PDZD7: variants seen among roughly 807,000 people sequenced by gnomAD.
PDZD7 encodes the protein PDZ domain containing 7.
In PDZD7, 72 loss-of-function variants were observed where a neutral mutation model predicts 84.7. That is an observed-to-expected ratio of 0.85 (90% CI 0.70 to 1.03). The LOEUF is 1.03. PDZD7 is among the 50% of genes least tolerant of loss of function. The probability of loss-of-function intolerance (pLI) is 0.00; values close to 1 mark genes in which losing one functional copy is unlikely to be tolerated. For missense variants in PDZD7, 1,490 were observed against 1,412.9 expected (o/e 1.05, Z -0.87); for synonymous variants, 594 against 580.7 (o/e 1.02, Z -0.33).
chr10:101,010,637 A>C lies in PDZD7; in HGVS notation c.2252T>G (p.Leu751Arg). The change falls in exon 15 of 17, where the codon CTG becomes CGG. Residue 751 changes from leucine to arginine, a missense_variant. Leu to Arg is a moderately radical substitution (Grantham distance 102). Transcript: ENST00000619208. Reference protein sequence around the residue: ...VAPRPLRPNWLLTEPLSREHP... With the variant: ...VAPRPLRPNWRLTEPLSREHP... ...CTCTCGGCTCAGGGGTTCTGTCAGC[A>C]GCCAGTTAGGCCGCAGGGGCCGGGG... 1 of 1,500,872 alleles carries C rather than the reference A, an allele frequency of 6.7e-7. No individual in the cohort carries two copies. The highest frequency in any genetic ancestry group is 8.9e-7 in the Non-Finnish European group (1 of 1,126,684). The allele number at this position is 1,500,872 out of a possible 1,614,324, so 93.0% of individuals were successfully genotyped here.
At chr10:101,026,337 G>A (rs1471270190) in intron 2 of PDZD7, among the ~76,000 whole-genome samples, 1 of 152,032 alleles carries the variant, frequency 6.6e-6, no homozygotes, top group Non-Finnish European at 1.5e-5. Context: ...GTTTCACCAT[G>A]TTGGCCAGGC....
rs766472599 is a variant in PDZD7 at position 101,021,905 on chromosome 10, C to T, written c.760G>A (p.Val254Met). The T allele has an allele frequency of 6.2e-7, 1 of 1,614,186 alleles. No homozygotes were observed. Among genetic ancestry groups the T allele is most frequent in the South Asian group, 1.1e-5 (1 of 91,086 alleles). Reference sequence around the variant, plus strand: ...TTGGCTGCCAGGACCTGGTCCCCCACCTTGATGCCATTCTCCTCGGCCAGC... The same window carrying T: ...TTGGCTGCCAGGACCTGGTCCCCCATCTTGATGCCATTCTCCTCGGCCAGC... The part of the protein sequence containing the change: ...GGLAEENGIK[V>M]GDQVLAANGV... The change falls in exon 6 of 17, where the codon GTG (valine) becomes ATG (methionine). Residue 254 changes from valine to methionine, a missense_variant. By Grantham distance (21) the Val-to-Met change is conservative. Coordinates refer to ENST00000619208, the MANE Select transcript of PDZD7 (RefSeq NM_001195263.2).
At position 101,010,348 on chromosome 10, in the gene PDZD7, CGTCCCCTCA is replaced by C; in HGVS notation, c.2532_2540del (p.Glu845_Thr847del). 6.5e-7 allele frequency: 1 copy of C among 1,535,472 alleles called. No individual in the cohort carries two copies. The highest frequency in any genetic ancestry group is 8.7e-7 in the Non-Finnish European group (1 of 1,146,328). On this transcript the variant is annotated inframe_deletion, in exon 15 of 17. Coordinates refer to ENST00000619208, the MANE Select transcript of PDZD7 (RefSeq NM_001195263.2). ...GGTTCTTCATGGCTGCCTCCTTGGC[CGTCCCCTCA>C]GTTCCACTCTCCGAGGGCCCTTGCT...
chr10:101,027,771 G>C (rs1937806253), intron 2 of PDZD7, among the ~76,000 whole-genome samples: 1 of 152,196 alleles, frequency 6.6e-6, no homozygotes, highest in African/African-American at 2.4e-5. Context: ...CAATCATGGT[G>C]GGGACTTCGT....
chr10:101,024,982 G>A (rs1564640685), intron 2 of PDZD7, among the ~76,000 whole-genome samples: 1 of 151,942 alleles, frequency 6.6e-6, no homozygotes, highest in Non-Finnish European at 1.5e-5. Context: ...CTGTTCTATG[G>A]GGGATGGTTG....
chr10:101,023,067 C>CG (rs1564638658), intron 4 of PDZD7: 1 of 264,474 alleles, frequency 3.8e-6, no homozygotes, highest in African/African-American at 2.8e-5. Flanking sequence ...CCACCATGCC[C>CG]GGCTTTTTTT....
chr10:101,011,839 A>G, intron 13 of PDZD7, 78 bp from the exon 14 acceptor site: 2 of 1,550,116 alleles, frequency 1.3e-6, no homozygotes, highest in Non-Finnish European at 1.7e-6. Flanking sequence ...GGGGCTCGGC[A>G]ATCTCTGCAG....
At position 101,010,969 on chromosome 10, in the gene PDZD7, G is replaced by A. The variant is rs546272320; in HGVS notation, c.2006-86C>T. 188 of 1,527,938 alleles carry A rather than the reference G, an allele frequency of 1.2e-4. 1 individual carries two copies. In the African/African-American group the frequency reaches 2.2e-3, roughly 18 times the overall value. 94.6% of individuals were successfully genotyped at this position (1,527,938 alleles called of 1,614,324 possible). On this transcript the variant is annotated intron_variant, in intron 14 of 16. Coordinates refer to ENST00000619208, the MANE Select transcript of PDZD7 (RefSeq NM_001195263.2). ...TTTGGTTTGTGTGGGGCCTGTGAGA[G>A]CCAGGCCCGAGTTTGTTCAGGCACC...
At chr10:101,010,164 G>C in intron 15 of PDZD7, 108 bp downstream of exon 15, 6 of 1,343,334 alleles carry the variant, frequency 4.5e-6, no homozygotes, top group Non-Finnish European at 5.9e-6. Flanking sequence ...CAAAGTGCTG[G>C]GGTTACAGGT....
chr10:101,023,875 T>C, intron 3 of PDZD7, 53 bp downstream of exon 3: 1 of 1,592,476 alleles, frequency 6.3e-7, no homozygotes. Context: ...TGCCATTCAC[T>C]GAGATTGGAG....
intron 2 of PDZD7, among the ~76,000 whole-genome samples, chr10:101,025,856 G>T (rs900296014): frequency 2.6e-5 from 4 of 152,142 alleles, no homozygotes; most frequent in Non-Finnish European, 4.4e-5. Flanking sequence ...CAATGGAAGA[G>T]ATTTTCTAAG....
intron 10 of PDZD7, 118 bp from the exon 11 acceptor site, chr10:101,015,929 G>T: frequency 1.7e-6 from 2 of 1,150,712 alleles, no homozygotes; most frequent in Non-Finnish European, 2.4e-6. Context: ...TAGCCTATAT[G>T]CTCCCCACCA....
intron 15 of PDZD7, among the ~76,000 whole-genome samples, chr10:101,009,754 T>C (rs1202901090): frequency 6.6e-6 from 1 of 151,496 alleles, no homozygotes; most frequent in Non-Finnish European, 1.5e-5. Context: ...ATTACAGGCA[T>C]GTGCCAACAT....
In PDZD7 at chr10:101,008,583, T is replaced by G; in HGVS notation, c.2986A>C (p.Asn996His). The change falls in exon 17 of 17, where the codon AAT (asparagine) becomes CAT (histidine). Residue 996 changes from asparagine (N) to histidine (H), a missense_variant. Transcript: ENST00000619208. The stretch of plus-strand genomic sequence containing the variant: ...GCATCAGTGGGAGGAGTCTGGGGAT[T>G]GGTGGGAGGTTCTGGGAGCCAGTGG... ...PAHWLPEPPT[N>H]PQTPPTDARL... is the part of the protein sequence containing the mutation. 2.0e-6 allele frequency: 3 copies of G among 1,535,500 alleles called. No homozygotes were observed.
chr10:101,030,959 C>T (rs956285127), intron 1 of PDZD7, 114 bp downstream of exon 1: 1 of 153,700 alleles, frequency 6.5e-6, no homozygotes. Context: ...CACGACATCC[C>T]GCGCAAAACC....
At position 101,012,151 on chromosome 10, in the gene PDZD7, T is replaced by G; in HGVS notation, c.1841+16A>C. On this transcript the variant is annotated intron_variant, in intron 12 of 16. Transcript: ENST00000619208. Reference sequence around the variant, plus strand: ...CCCCTTCCTGCCCCCAAGCCCTCTCTGCAACCTCCTCCCACCTGATGTCCT... The same window carrying G: ...CCCCTTCCTGCCCCCAAGCCCTCTCGGCAACCTCCTCCCACCTGATGTCCT... 1 of 1,549,640 alleles carries G rather than the reference T, an allele frequency of 6.5e-7. No individual in the cohort carries two copies. Among genetic ancestry groups the G allele is most frequent in the Non-Finnish European group, 8.7e-7 (1 of 1,146,246 alleles).
chr10:101,017,574 G>C (rs1852690054), intron 9 of PDZD7: 1 of 701,408 alleles, frequency 1.4e-6, no homozygotes, highest in Admixed American at 2.0e-5. Flanking sequence ...TTCAGTCCAG[G>C]AATTTGAGAC....
rs554160115 is a variant in PDZD7 at position 101,028,335 on chromosome 10, C to T, written c.226+1659G>A. Among the ~76,000 whole-genome samples, 3 of 152,286 alleles carry T rather than the reference C, an allele frequency of 2.0e-5. No individual in the cohort carries two copies. The East Asian group carries it at 5.8e-4, about 29-fold the overall frequency. ...AGGCATGGTGGCTCATGCCTATAAT[C>T]CCAGCACTTTGGGAGGCTGAGGCCG... On this transcript the variant is annotated intron_variant, in intron 2 of 16. Coordinates refer to ENST00000619208, the MANE Select transcript of PDZD7 (RefSeq NM_001195263.2).
At chr10:101,021,444 C>G (rs531398884) in intron 6 of PDZD7, among the ~76,000 whole-genome samples, 84 of 152,266 alleles carry the variant, frequency 5.5e-4, no homozygotes, top group African/African-American at 2.0e-3. Context: ...GGATGCCCAT[C>G]ACCCAGGTCC....
Sources: gnomAD v4.1 joint callset for allele counts (sites outside exome capture counted in the v4.1 genomes callset) on GRCh38, gnomAD v4.1.1 for gene constraint, MANE v1.5 for transcripts, NCBI Gene and HGNC (gene_info 2026-07-23, HGNC 2026-07-21) for gene names.